AMOTL2: variants seen among roughly 807,000 people sequenced by gnomAD.
The protein encoded by AMOTL2 is angiomotin like 2.
A neutral mutation model predicts 78.4 loss-of-function variants in AMOTL2; 33 were observed. The ratio of observed to expected loss-of-function variants is 0.42; its 90% confidence interval spans 0.32 to 0.56. AMOTL2 has a LOEUF of 0.56. AMOTL2 is among the 20% of genes least tolerant of loss of function. The probability of loss-of-function intolerance (pLI) is 0.12; values close to 1 mark genes in which losing one functional copy is unlikely to be tolerated. For synonymous variants in AMOTL2, 422 were observed against 428.8 expected (o/e 0.98, Z 0.20); for missense variants, 983 against 1,030.1 (o/e 0.95, Z 0.63).
rs144718577 is a variant in AMOTL2 at position 134,366,197 on chromosome 3, T to C, written c.1186+86A>G. ...GTTCATCTGCACTTTTGACAGAGAATAGAGATTCCCAATTTTTCTCTAGAA... is the reference window on the plus strand; with the variant it reads ...GTTCATCTGCACTTTTGACAGAGAACAGAGATTCCCAATTTTTCTCTAGAA... On this transcript the variant is annotated intron_variant, in intron 4 of 9. Transcript: ENST00000249883. 2,001 of 1,538,110 alleles carry C rather than the reference T, an allele frequency of 1.3e-3. 25 individuals are homozygous for C. In the African/African-American group the frequency reaches 0.025, roughly 19 times the overall value.
At position 134,374,417 on chromosome 3, in the gene AMOTL2, G is replaced by T; in HGVS notation, c.-137C>A. On this transcript the variant is annotated 5_prime_UTR_variant, in exon 1 of 10. Coordinates refer to ENST00000249883, the MANE Select transcript of AMOTL2 (RefSeq NM_016201.4). ...CGGCCCAGCTCAGCTCGGCGGCGAA[G>T]ATGTGTTCTCGGCCGTGGCGCCGAC... 1.0e-6 allele frequency: 1 copy of T among 985,370 alleles called. No homozygotes were observed. Among genetic ancestry groups the T allele is most frequent in the Non-Finnish European group, 1.2e-6 (1 of 829,934 alleles). The allele number at this position is 985,370 out of a possible 1,614,324, so 61.0% of individuals were successfully genotyped here.
upstream of AMOTL2, chr3:134,374,766 A>T (rs1225313232): frequency 1.0e-6 from 1 of 1,002,654 alleles, no homozygotes; most frequent in Non-Finnish European, 1.2e-6. Flanking sequence ...AGACAATTTA[A>T]TCCAACTCTG....
intron 1 of AMOTL2, among the ~76,000 whole-genome samples, chr3:134,373,173 G>T (rs750900934): frequency 1.1e-4 from 17 of 152,098 alleles, no homozygotes; most frequent in Non-Finnish European, 2.4e-4. Context: ...ACAACGAGGG[G>T]TAGATGTGCA....
chr3:134,370,170 G>A (rs2107747467), intron 2 of AMOTL2, among the ~76,000 whole-genome samples: 1 of 152,318 alleles, frequency 6.6e-6, no homozygotes, highest in South Asian at 2.1e-4. Flanking sequence ...AGGAAATGAA[G>A]AGGAGAGACA....
chr3:134,375,296 G>C, upstream of AMOTL2: 1 of 1,495,666 alleles, frequency 6.7e-7, no homozygotes, highest in Non-Finnish European at 9.0e-7. Flanking sequence ...TTTTCGCCCA[G>C]TCATCCGATT....
chr3:134,363,337 T>C (rs2017455706), intron 5 of AMOTL2, among the ~76,000 whole-genome samples: 1 of 152,196 alleles, frequency 6.6e-6, no homozygotes, highest in African/African-American at 2.4e-5. Context: ...GAAACGGATG[T>C]GTTCATACTT....
intron 9 of AMOTL2, among the ~76,000 whole-genome samples, chr3:134,358,189 T>C (rs1352624272): frequency 1.3e-5 from 2 of 152,148 alleles, no homozygotes; most frequent in African/African-American, 2.4e-5. Context: ...CAGAGTGCCA[T>C]CGGCATGACT....
intron 5 of AMOTL2, among the ~76,000 whole-genome samples, chr3:134,364,037 C>T (rs1040877073): frequency 1.3e-5 from 2 of 152,162 alleles, no homozygotes; most frequent in African/African-American, 2.4e-5. Flanking sequence ...AAGAGGACGC[C>T]CGAAGGCCAG....
At chr3:134,375,031 C>T (rs2018037699), upstream of AMOTL2, 1 of 1,447,000 alleles carries the variant, frequency 6.9e-7, no homozygotes, top group Non-Finnish European at 9.1e-7. Flanking sequence ...TGCTTCCAGC[C>T]ACAGAGCCTC....
chr3:134,363,958 C>T (rs1215513238), intron 5 of AMOTL2, among the ~76,000 whole-genome samples: 1 of 152,180 alleles, frequency 6.6e-6, no homozygotes, highest in African/African-American at 2.4e-5. Flanking sequence ...CCTGATAAAA[C>T]CTTGGGCCTG....
At chr3:134,361,836 AC>A in intron 5 of AMOTL2, 29 bp from the exon 6 acceptor site, 2 of 1,496,004 alleles carry the variant, frequency 1.3e-6, no homozygotes, top group Middle Eastern at 3.5e-4. Flanking sequence ...TTGATCAGTG[AC>A]AGTGACCACG....
rs2017256178 is a variant in AMOTL2, at chr3:134,359,611, C to T, written c.1884-108G>A. 1.1e-5 allele frequency: 10 copies of T among 879,552 alleles called. No individual in the cohort carries two copies. In the East Asian group the frequency reaches 2.1e-4, roughly 19 times the overall value. The allele number at this position is 879,552 out of a possible 1,614,324, so 54.5% of individuals were successfully genotyped here. A position where few individuals can be genotyped will look rare whatever the true frequency, so the allele number is the denominator to read the frequency against. On this transcript the variant is annotated intron_variant, in intron 7 of 9. Transcript: ENST00000249883. Reference sequence around the variant, plus strand: ...GAAAAGCCCCCCCCAACTCCCCCAACCCTGCCAGGCTGGATCCTTCTGTGC... The same window carrying T: ...GAAAAGCCCCCCCCAACTCCCCCAATCCTGCCAGGCTGGATCCTTCTGTGC...
rs80264966 is a variant in AMOTL2 at position 134,365,707 on chromosome 3, C to T, written c.1279+110G>A. 2,375 of 998,854 alleles carry T rather than the reference C, an allele frequency of 2.4e-3. 2 individuals are homozygous for T. Among genetic ancestry groups the T allele is most frequent in the Middle Eastern group, 5.9e-3 (21 of 3,586 alleles). The allele number at this position is 998,854 out of a possible 1,614,324, so 61.9% of individuals were successfully genotyped here. ...GCATACAGTGGGCAGTAAACCTGCT[C>T]CCAAAGTACTACTTTGCAAGGGGGA... On this transcript the variant is annotated intron_variant, in intron 5 of 9. Coordinates refer to ENST00000249883, the MANE Select transcript of AMOTL2 (RefSeq NM_016201.4).
At chr3:134,375,169 G>A (rs778628080), upstream of AMOTL2, 8 of 1,534,498 alleles carry the variant, frequency 5.2e-6, no homozygotes, top group Non-Finnish European at 7.0e-6. Flanking sequence ...GGAAAATCCG[G>A]TCAATTTGAC....
intron 1 of AMOTL2, among the ~76,000 whole-genome samples, chr3:134,372,410 CA>C (rs2017902837): frequency 7.0e-6 from 1 of 142,508 alleles, no homozygotes; most frequent in Non-Finnish European, 1.5e-5. Context: ...TAAGATGAGG[CA>C]AAAAGGTGCC....
At chr3:134,359,160 T>A (rs1318143072) in intron 8 of AMOTL2, 123 bp downstream of exon 8, 1 of 1,087,520 alleles carries the variant, frequency 9.2e-7, no homozygotes, top group East Asian at 2.4e-5. Flanking sequence ...CCAGCTCCCC[T>A]GGAAGAGGGT....
intron 5 of AMOTL2, among the ~76,000 whole-genome samples, chr3:134,364,159 C>T (rs2017499386): frequency 6.6e-6 from 1 of 152,096 alleles, no homozygotes; most frequent in Non-Finnish European, 1.5e-5. Flanking sequence ...CACCCTCCCT[C>T]CTCCCAAAGC....
intron 2 of AMOTL2, among the ~76,000 whole-genome samples, chr3:134,368,620 GAGTGCTGGGCC>G (rs1458351794): frequency 2.0e-5 from 3 of 152,332 alleles, no homozygotes; most frequent in African/African-American, 7.2e-5. Flanking sequence ...AGGCCTGGCA[GAGTGCTGGGCC>G]AGTGCTGGGC....
In AMOTL2 at chr3:134,360,394, C is replaced by A; in HGVS notation, c.1595G>T (p.Gly532Val). ...RAQQRQAGAP[G>V]GSSGSGGSPE... ...AGACCCACCACTGCCACTGCTACCA[C>A]CTGGGGCACCTGCCTGTCTCTGCAG... is the stretch of plus-strand genomic sequence containing the variant. Residue 532 changes from glycine (G) to valine (V), a missense_variant, in exon 7 of 10, where the codon GGT becomes GTT. Coordinates refer to ENST00000249883, the MANE Select transcript of AMOTL2 (RefSeq NM_016201.4). 1 of 1,611,774 alleles carries A rather than the reference C, an allele frequency of 6.2e-7. No homozygotes were observed. Among genetic ancestry groups the A allele is most frequent in the Non-Finnish European group, 8.5e-7 (1 of 1,178,774 alleles).
Sources: gnomAD v4.1 joint callset for allele counts (sites outside exome capture counted in the v4.1 genomes callset) on GRCh38, gnomAD v4.1.1 for gene constraint, MANE v1.5 for transcripts, NCBI Gene and HGNC (gene_info 2026-07-23, HGNC 2026-07-21) for gene names.